The following RALGPS1 variants were observed in gnomAD, a reference collection of about 807,000 sequenced individuals.
RALGPS1 encodes the protein ras-specific guanine nucleotide-releasing factor RalGPS1.
RALGPS1 carries 19 observed loss-of-function variants against 78.8 expected under a neutral mutation model. That is an observed-to-expected ratio of 0.24 (90% CI 0.17 to 0.35). RALGPS1 has a LOEUF of 0.35. Ranked by LOEUF, RALGPS1 falls within the 10% of genes least tolerant of loss-of-function variation. The probability of loss-of-function intolerance (pLI) is 1.00; values close to 1 mark genes in which losing one functional copy is unlikely to be tolerated. For synonymous variants in RALGPS1, 228 were observed against 256.3 expected (o/e 0.89, Z 1.06); for missense variants, 454 against 688.3 (o/e 0.66, Z 3.81).
chr9:127,093,636 G>A (rs1012520054), intron 8 of RALGPS1: 147 of 1,438,740 alleles, frequency 1.0e-4, no homozygotes, highest in Non-Finnish European at 2.6e-5. Flanking sequence ...TGGTCAGCAT[G>A]TACCTCTGAG....
chr9:127,038,174 T>G (rs62580837), intron 5 of RALGPS1, among the ~76,000 whole-genome samples: 3,621 of 152,374 alleles, frequency 0.024, 47 homozygotes, highest in Middle Eastern at 0.048. Context: ...CTGCTTCCTC[T>G]TGGCTTTAAT....
In RALGPS1 at chr9:127,213,038, A is replaced by C; in HGVS notation, c.1541A>C (p.Asn514Thr). The part of the protein sequence containing the change: ...PEHPDIFQLN[N>T]PDKGNVYKFQ... ...CACCCAGATATCTTCCAGCTGAACA[A>C]CCCTGACAAAGGTAGGCAGCAGGCC... Residue 514 changes from asparagine (N) to threonine (T), a missense_variant, in exon 17 of 19, where the codon AAC becomes ACC. By Grantham distance (65) the Asn-to-Thr change is moderately conservative. Transcript: ENST00000259351. 1 of 1,614,186 alleles carries C rather than the reference A, an allele frequency of 6.2e-7. No individual in the cohort carries two copies. The highest frequency in any genetic ancestry group is 8.5e-7 in the Non-Finnish European group (1 of 1,180,026).
At chr9:126,979,316 TG>T (rs1453046575) in intron 4 of RALGPS1, among the ~76,000 whole-genome samples, 1 of 152,076 alleles carries the variant, frequency 6.6e-6, no homozygotes, top group East Asian at 1.9e-4. Flanking sequence ...AACAGAGCTT[TG>T]TTTGCTTTTT....
At chr9:127,045,762 T>TACAC (rs59773981) in intron 5 of RALGPS1, among the ~76,000 whole-genome samples, 80 of 137,142 alleles carry the variant, frequency 5.8e-4, no homozygotes, top group East Asian at 1.3e-3. Flanking sequence ...CACACACACA[T>TACAC]ACACACACAC....
chr9:126,929,450 C>T (rs1478828118), intron 1 of RALGPS1, among the ~76,000 whole-genome samples: 1 of 151,990 alleles, frequency 6.6e-6, no homozygotes, highest in African/African-American at 2.4e-5. Context: ...TAGAAATTTT[C>T]TTTATTTTTT....
chr9:127,097,581 A>G (rs2053276265), intron 8 of RALGPS1, among the ~76,000 whole-genome samples: 1 of 152,270 alleles, frequency 6.6e-6, no homozygotes, highest in Non-Finnish European at 1.5e-5. Flanking sequence ...AATTAGTCAG[A>G]AAAAGAGTTA....
chr9:127,114,667 G>A (rs1008912830), intron 8 of RALGPS1, among the ~76,000 whole-genome samples: 1 of 152,256 alleles, frequency 6.6e-6, no homozygotes, highest in Non-Finnish European at 1.5e-5. Context: ...CCATTGGTCT[G>A]TGATCACAGA....
chr9:127,063,380 C>T (rs1353655074), intron 7 of RALGPS1, among the ~76,000 whole-genome samples: 1 of 152,166 alleles, frequency 6.6e-6, no homozygotes, highest in African/African-American at 2.4e-5. Flanking sequence ...CCCTTTCTAC[C>T]ATGAAAATGA....
intron 4 of RALGPS1, among the ~76,000 whole-genome samples, chr9:127,029,375 T>C (rs981934944): frequency 6.6e-6 from 1 of 152,188 alleles, no homozygotes; most frequent in African/African-American, 2.4e-5. Flanking sequence ...AGGTGTGTAA[T>C]TGTCCCACCA....
Position 126,990,334 on chromosome 9 carries a change from T to A in RALGPS1, c.216+12589T>A, listed in dbSNP as rs1226525499. On this transcript the variant is annotated intron_variant, in intron 4 of 18. Coordinates refer to ENST00000259351, the MANE Select transcript of RALGPS1 (RefSeq NM_014636.3). ...GCAGCCTTTTCATGTCTCCTCACAT[T>A]GAGTTCCATCCCCCAGCCTCCTCTT... 1.2e-5 allele frequency: 3 copies of A among 242,508 alleles called. No individual in the cohort carries two copies. The East Asian group carries it at 3.1e-4, about 25-fold the overall frequency. The allele number at this position is 242,508 out of a possible 1,614,324, so 15.0% of individuals were successfully genotyped here. A position where few individuals can be genotyped will look rare whatever the true frequency, so the allele number is the denominator to read the frequency against.
intron 1 of RALGPS1, among the ~76,000 whole-genome samples, chr9:126,954,758 C>T (rs944343374): frequency 3.9e-5 from 6 of 152,134 alleles, no homozygotes; most frequent in Non-Finnish European, 5.9e-5. Context: ...GCCAAGATTG[C>T]GCCACTGCAC....
At chr9:127,018,433 T>C (rs1233516026) in intron 4 of RALGPS1, among the ~76,000 whole-genome samples, 1 of 151,826 alleles carries the variant, frequency 6.6e-6, no homozygotes, top group Non-Finnish European at 1.5e-5. Flanking sequence ...AGGTCAGGAG[T>C]TCCCAGCCTG....
intron 8 of RALGPS1, among the ~76,000 whole-genome samples, chr9:127,082,244 G>A (rs1332579893): frequency 6.6e-6 from 1 of 152,210 alleles, no homozygotes; most frequent in Non-Finnish European, 1.5e-5. Flanking sequence ...CAAAGCAGGG[G>A]GGCTGATGAG....
chr9:127,056,029 A>G (rs139075388), intron 7 of RALGPS1, among the ~76,000 whole-genome samples: 20 of 152,292 alleles, frequency 1.3e-4, no homozygotes, highest in Non-Finnish European at 2.8e-4. Flanking sequence ...CTGCCCTGCA[A>G]ATGCCTTCTG....
intron 1 of RALGPS1, among the ~76,000 whole-genome samples, chr9:126,941,300 A>G (rs1000030645): frequency 8.0e-5 from 12 of 150,654 alleles, no homozygotes; most frequent in Admixed American, 2.6e-4. Flanking sequence ...TTTAAAAATA[A>G]CAAAAGGAGT....
chr9:127,072,370 G>A (rs984080253), intron 8 of RALGPS1, among the ~76,000 whole-genome samples: 14 of 152,218 alleles, frequency 9.2e-5, no homozygotes, highest in South Asian at 4.2e-4. Context: ...ACGCCACCAC[G>A]TCCAGCTAAT....
intron 4 of RALGPS1, among the ~76,000 whole-genome samples, chr9:126,996,418 A>G (rs2042767193): frequency 6.6e-6 from 1 of 152,222 alleles, no homozygotes. Context: ...ACGCAAATAA[A>G]CTAGAAAATC....
At chr9:127,055,200 TTCTA>T (rs550106521) in intron 7 of RALGPS1, among the ~76,000 whole-genome samples, 2 of 118,590 alleles carry the variant, frequency 1.7e-5, no homozygotes, top group Admixed American at 8.4e-5. Flanking sequence ...TAAATGCTTT[TTCTA>T]TCTATCTATC....
intron 11 of RALGPS1, among the ~76,000 whole-genome samples, chr9:127,192,628 A>G (rs928143819): frequency 2.0e-5 from 3 of 152,184 alleles, no homozygotes; most frequent in African/African-American, 7.2e-5. Context: ...ACTGCGCTCC[A>G]TCCTGGGTGA....
Sources: gnomAD v4.1 joint callset for allele counts (sites outside exome capture counted in the v4.1 genomes callset) on GRCh38, gnomAD v4.1.1 for gene constraint, MANE v1.5 for transcripts, NCBI Gene and HGNC (gene_info 2026-07-23, HGNC 2026-07-21) for gene names.